The following MATK variants were observed in gnomAD, a reference collection of about 807,000 sequenced individuals.
The protein encoded by MATK is megakaryocyte-associated tyrosine kinase.
Under a neutral mutation model 59.8 loss-of-function variants are expected in MATK, and 41 were observed. The observed-to-expected ratio is 0.69, with a 90% CI of 0.53 to 0.89. MATK has a LOEUF of 0.89. Ranked by LOEUF, MATK falls within the 40% of genes least tolerant of loss-of-function variation. The pLI is 0.00. For synonymous variants in MATK, 308 were observed against 306.1 expected (o/e 1.01, Z -0.06); for missense variants, 593 against 719.6 (o/e 0.82, Z 2.01).
Position 3,783,988 on chromosome 19 carries a change from C to T in MATK, c.408G>A (p.Leu136=). The T allele has an allele frequency of 6.2e-7, 1 of 1,611,156 alleles. No homozygotes were observed. Among genetic ancestry groups the T allele is most frequent in the Middle Eastern group, 1.7e-4 (1 of 6,054 alleles). Residue 136 remains leucine (L), a synonymous_variant, in exon 6 of 14, where the codon CTG becomes CTA. Coordinates refer to ENST00000310132, the MANE Select transcript of MATK (RefSeq NM_139355.3). ...GGAACAGCCCATCCTCGGGAGGCTG[C>T]AGCTGCTGGACAGCCTCCTGGCCCG... is the stretch of plus-strand genomic sequence containing the variant. ...KISGQEAVQQ[L]QPPEDGLFLV...
intron 1 of MATK, among the ~76,000 whole-genome samples, chr19:3,795,553 C>A (rs1260005379): frequency 3.3e-5 from 5 of 151,852 alleles, no homozygotes; most frequent in Non-Finnish European, 7.4e-5. Flanking sequence ...CAGATATGAG[C>A]CACCATGCCC....
In MATK at chr19:3,777,996, G is replaced by C; in HGVS notation, c.*187C>G. 2 of 722,238 alleles carry C rather than the reference G, an allele frequency of 2.8e-6. No individual in the cohort carries two copies. The highest frequency in any genetic ancestry group is 4.2e-6 in the Non-Finnish European group (2 of 475,612). The allele number at this position is 722,238 out of a possible 1,614,324, so 44.7% of individuals were successfully genotyped here. ...GAGTCCTTAGAATCCGTCTTTATCG[G>C]GCGATCATCCTTCGCAGGTCTGGGG... On this transcript the variant is annotated 3_prime_UTR_variant, in exon 14 of 14. Transcript: ENST00000310132.
upstream of MATK, chr19:3,787,741 A>G (rs2037501533): frequency 6.6e-6 from 1 of 152,076 alleles, no homozygotes; most frequent in Non-Finnish European, 1.5e-5. Context: ...AGTTCATCTT[A>G]GGAGGGCAAT....
At chr19:3,783,439 C>G in intron 6 of MATK, 1 of 600,988 alleles carries the variant, frequency 1.7e-6, no homozygotes, top group East Asian at 2.8e-5. Context: ...AGGAGTCACT[C>G]TAGTCCCTGG....
intron 1 of MATK, among the ~76,000 whole-genome samples, chr19:3,792,170 T>G (rs1482380351): frequency 6.6e-6 from 1 of 152,046 alleles, no homozygotes; most frequent in Non-Finnish European, 1.5e-5. Flanking sequence ...CTACTCATCC[T>G]TGATCACACA....
At chr19:3,789,534 T>C, upstream of MATK, 2 of 503,430 alleles carry the variant, frequency 4.0e-6, no homozygotes, top group Non-Finnish European at 7.1e-6. Flanking sequence ...CTTAAGGAGC[T>C]GGTGTTGGGT....
At chr19:3,787,153 G>C (rs1422204497), upstream of MATK, among the ~76,000 whole-genome samples, 1 of 152,142 alleles carries the variant, frequency 6.6e-6, no homozygotes, top group Admixed American at 6.5e-5. Flanking sequence ...TATTTTTTGA[G>C]ACAGGGTCTC....
At chr19:3,782,597 C>T (rs1330219097) in intron 7 of MATK, among the ~76,000 whole-genome samples, 1 of 152,198 alleles carries the variant, frequency 6.6e-6, no homozygotes, top group Non-Finnish European at 1.5e-5. Flanking sequence ...AAGGGCTTTG[C>T]AGATGAGGCT....
chr19:3,781,104 A>T (rs1475362883), intron 8 of MATK, among the ~76,000 whole-genome samples: 1 of 152,218 alleles, frequency 6.6e-6, no homozygotes, highest in Non-Finnish European at 1.5e-5. Flanking sequence ...AGCATTACAC[A>T]AAATTCAAAT....
chr19:3,778,628 C>T (rs1247014231), intron 12 of MATK, 33 bp from the exon 13 acceptor site: 5 of 1,580,900 alleles, frequency 3.2e-6, no homozygotes, highest in Non-Finnish European at 4.3e-6. Flanking sequence ...GAGGAGGGAC[C>T]CCTCAGGTTT....
In MATK at chr19:3,784,806, G is replaced by A. The variant is rs776965244; in HGVS notation, c.132+19C>T. 6 of 1,547,952 alleles carry A rather than the reference G, an allele frequency of 3.9e-6. No individual in the cohort carries two copies. The South Asian group carries it at 7.1e-5, about 18-fold the overall frequency. On this transcript the variant is annotated intron_variant, in intron 3 of 13. Coordinates refer to ENST00000310132, the MANE Select transcript of MATK (RefSeq NM_139355.3). ...AAGAAGGACCCGGGGAGCAGAGGAA[G>A]CAGGCTAGACACACTCACCGTTGGC... is the stretch of plus-strand genomic sequence containing the variant.
chr19:3,796,451 C>T (rs896036830), intron 1 of MATK, among the ~76,000 whole-genome samples: 1 of 152,072 alleles, frequency 6.6e-6, no homozygotes, highest in Non-Finnish European at 1.5e-5. Flanking sequence ...ACAATTTTTG[C>T]TTAAATGAAA....
At chr19:3,791,366 A>G (rs1367935708), upstream of MATK, among the ~76,000 whole-genome samples, 1 of 148,428 alleles carries the variant, frequency 6.7e-6, no homozygotes, top group East Asian at 2.0e-4. Context: ...TTTTTTTTGA[A>G]ACAGAGTATT....
intron 3 of MATK, 180 bp from the exon 4 acceptor site, chr19:3,784,631 G>C: frequency 1.5e-6 from 1 of 656,854 alleles, no homozygotes; most frequent in East Asian, 2.7e-5. Flanking sequence ...TGCTCAGAGA[G>C]AAATCGTAGA....
intron 1 of MATK, among the ~76,000 whole-genome samples, chr19:3,798,713 T>C (rs1320330581): frequency 6.7e-6 from 1 of 149,900 alleles, no homozygotes; most frequent in Non-Finnish European, 1.5e-5. Flanking sequence ...GATTTCACCA[T>C]GTTGGTCAGG....
rs1348761744 is a variant in MATK at position 3,784,007 on chromosome 19, T to G, written c.389A>C (p.Gln130Pro). The part of the protein sequence containing the change: ...MPWFHGKISG[Q>P]EAVQQLQPPE... The stretch of plus-strand genomic sequence containing the variant: ...AGGCTGCAGCTGCTGGACAGCCTCC[T>G]GGCCCGAGATCTTCCCGTGGAACCA... Residue 130 changes from glutamine to proline, a missense_variant, in exon 6 of 14, where the codon CAG becomes CCG. Coordinates refer to ENST00000310132, the MANE Select transcript of MATK (RefSeq NM_139355.3). The G allele has an allele frequency of 2.5e-6, 4 of 1,608,460 alleles. No homozygotes were observed. Among genetic ancestry groups the G allele is most frequent in the Non-Finnish European group, 3.4e-6 (4 of 1,177,202 alleles).
At chr19:3,791,913 G>C (rs1293170946) in intron 1 of MATK, among the ~76,000 whole-genome samples, 1 of 151,782 alleles carries the variant, frequency 6.6e-6, no homozygotes, top group Non-Finnish European at 1.5e-5. Flanking sequence ...TTCAAGACCA[G>C]CCTGGCCAAC....
intron 1 of MATK, 104 bp from the exon 2 acceptor site, chr19:3,785,390 A>T (rs1203781668): frequency 6.6e-6 from 5 of 759,004 alleles, no homozygotes; most frequent in Non-Finnish European, 1.0e-5. Flanking sequence ...CGGGTCCTGT[A>T]GCCCTGCTGG....
At position 3,784,198 on chromosome 19, in the gene MATK, C is replaced by T. The variant is rs1183625623; in HGVS notation, c.288G>A (p.Gln96=). The change falls in exon 5 of 14, where the codon CAG becomes CAA. Residue 96 remains glutamine (Q), a synonymous_variant. Transcript: ENST00000310132. ...GCGCCCCAGCTGCCAGCAGCCCCTC[C>T]TGTCCACTGGTGTGGTGCTTGACGC... ...WYRVKHHTSG[Q]EGLLAAGALR... 1 of 1,613,596 alleles carries T rather than the reference C, an allele frequency of 6.2e-7. No homozygotes were observed. Among genetic ancestry groups the T allele is most frequent in the African/African-American group, 1.3e-5 (1 of 74,938 alleles).
Sources: allele counts gnomAD v4.1 joint callset (sites outside exome capture counted in the v4.1 genomes callset), GRCh38; gene constraint gnomAD v4.1.1; transcripts MANE v1.5; gene names NCBI Gene and HGNC (gene_info 2026-07-23, HGNC 2026-07-21).